The following FOXP4 variants were observed in gnomAD, a reference collection of about 807,000 sequenced individuals.
The protein encoded by FOXP4 is forkhead box protein P4.
Under a neutral mutation model 82.6 loss-of-function variants are expected in FOXP4, and 25 were observed. The observed-to-expected ratio is 0.30, with a 90% CI of 0.22 to 0.42. The LOEUF (loss-of-function observed/expected upper bound fraction) is 0.42. Ranked by LOEUF, FOXP4 falls within the 10% of genes least tolerant of loss-of-function variation. FOXP4 has a pLI of 1.00. For missense variants in FOXP4, 785 were observed against 900.9 expected, an observed-to-expected ratio of 0.87 and a Z score of 1.65; for synonymous variants, 415 against 388.2, an observed-to-expected ratio of 1.07 and a Z score of -0.81.
intron 3 of FOXP4, among the ~76,000 whole-genome samples, chr6:41,583,396 C>G (rs572393508): frequency 1.3e-5 from 2 of 152,376 alleles, no homozygotes; most frequent in South Asian, 4.1e-4. Context: ...CCCTACCCCA[C>G]AGGTGAGGCT....
Position 41,551,017 on chromosome 6 carries a change from C to T in FOXP4, c.-17+4150C>T, listed in dbSNP as rs1763966786. Among the ~76,000 whole-genome samples the T allele has an allele frequency of 2.0e-5, 3 of 152,324 alleles. No individual in the cohort carries two copies. The South Asian group carries it at 6.2e-4, about 32-fold the overall frequency. The stretch of plus-strand genomic sequence containing the variant: ...CCCCTTGAGCCTGAAGTTATTGGCT[C>T]CCTTCAGCGTTGCCTCCCAGGATTC... On this transcript the variant is annotated intron_variant, in intron 1 of 16. Coordinates refer to ENST00000307972, the MANE Select transcript of FOXP4 (RefSeq NM_001012426.2).
At chr6:41,596,804 T>C (rs1305385116) in intron 14 of FOXP4, among the ~76,000 whole-genome samples, 1 of 151,890 alleles carries the variant, frequency 6.6e-6, no homozygotes, top group Non-Finnish European at 1.5e-5. Context: ...ACTGAGACTA[T>C]AGATTAGACC....
intron 15 of FOXP4, 124 bp downstream of exon 15, chr6:41,597,366 C>T: frequency 1.0e-6 from 1 of 964,448 alleles, no homozygotes; most frequent in Non-Finnish European, 1.6e-6. Flanking sequence ...AAGACCCAAA[C>T]TCTCCGAGAC....
At chr6:41,574,360 C>T (rs1765360749) in intron 2 of FOXP4, among the ~76,000 whole-genome samples, 1 of 152,170 alleles carries the variant, frequency 6.6e-6, no homozygotes, top group Non-Finnish European at 1.5e-5. Flanking sequence ...CCTCAGTTTC[C>T]TTGTCTGTAA....
At position 41,598,882 on chromosome 6, in the gene FOXP4, G is replaced by A. The variant is rs1407559923; in HGVS notation, c.1989G>A (p.Gly663=). The change falls in exon 17 of 17, where the codon GGG becomes GGA. Residue 663 remains glycine, a synonymous_variant. Transcript: ENST00000307972. ...PLGAPNPSAS[G]PPEDRDLEEE... ...GCGCCCCTAACCCCAGCGCCTCGGG[G>A]CCTCCGGAAGACAGGGACCTGGAGG... 2.5e-6 allele frequency: 4 copies of A among 1,604,622 alleles called. No homozygotes were observed. In the Admixed American group the frequency reaches 5.1e-5, roughly 21 times the overall value.
At chr6:41,588,775 C>T (rs976469695) in intron 9 of FOXP4, 44 bp downstream of exon 9, 5 of 1,602,614 alleles carry the variant, frequency 3.1e-6, no homozygotes, top group South Asian at 2.2e-5. Flanking sequence ...TGGGCTCCAG[C>T]CCCTGCCCAC....
At chr6:41,551,664 C>G (rs1365370892) in intron 1 of FOXP4, among the ~76,000 whole-genome samples, 1 of 152,214 alleles carries the variant, frequency 6.6e-6, no homozygotes, top group Non-Finnish European at 1.5e-5. Context: ...TTTCCTCAGA[C>G]TAACAGTATG....
At position 41,571,567 on chromosome 6, in the gene FOXP4, C is replaced by T. The variant is rs138587135; in HGVS notation, c.204+5603C>T. On this transcript the variant is annotated intron_variant, in intron 2 of 16. Transcript: ENST00000307972. ...TCGTCTCCCACCCACGTGGGCCTGT[C>T]TGTGTCTGTGCGTTGCTGGTTTTCA... Among the ~76,000 whole-genome samples, 53 of 152,310 alleles carry T rather than the reference C, an allele frequency of 3.5e-4. 1 individual carries two copies. Among genetic ancestry groups the T allele is most frequent in the Middle Eastern group, 3.4e-3 (1 of 294 alleles).
rs138966248 is a variant in FOXP4, at chr6:41,547,709, G to T, written c.-17+842G>T. On this transcript the variant is annotated intron_variant, in intron 1 of 16. Coordinates refer to ENST00000307972, the MANE Select transcript of FOXP4 (RefSeq NM_001012426.2). ...GAGAGCTCCCGCTTCACCACTTAAGGGGGGAAGAGAGGGCGGCCACGGGGG... is the reference window on the plus strand; with the variant it reads ...GAGAGCTCCCGCTTCACCACTTAAGTGGGGAAGAGAGGGCGGCCACGGGGG... 4.8e-3 allele frequency among the ~76,000 whole-genome samples: 728 copies of T among 152,270 alleles called. 6 individuals carry two copies. Among genetic ancestry groups the T allele is most frequent in the Middle Eastern group, 0.02 (6 of 294 alleles).
chr6:41,556,674 C>T (rs1317382762), intron 1 of FOXP4, among the ~76,000 whole-genome samples: 1 of 152,144 alleles, frequency 6.6e-6, no homozygotes, highest in Admixed American at 6.5e-5. Flanking sequence ...GTGCCGAGGC[C>T]TTGCTGCGTC....
chr6:41,564,530 C>T (rs75377884), intron 1 of FOXP4, among the ~76,000 whole-genome samples: 4,951 of 152,292 alleles, frequency 0.033, 281 homozygotes, highest in East Asian at 0.18. Flanking sequence ...TCCTGACCAT[C>T]CCAAACACAT....
At position 41,548,824 on chromosome 6, in the gene FOXP4, CTT is replaced by C. The variant is rs11326650; in HGVS notation, c.-17+1977_-17+1978del. 3.6e-3 allele frequency among the ~76,000 whole-genome samples: 385 copies of C among 106,072 alleles called. 2 individuals carry two copies. The highest frequency in any genetic ancestry group is 0.016 in the Middle Eastern group (3 of 184). 69.6% of individuals were successfully genotyped at this position (106,072 alleles called of 152,430 possible). A position where few individuals can be genotyped will look rare whatever the true frequency, so the allele number is the denominator to read the frequency against. Reference sequence around the variant, plus strand: ...AACCGCTGTGGGGAAGTCTGAAGGCCTTTTTTTTTTTTTTTTTTTTTCAACTT... The same window carrying C: ...AACCGCTGTGGGGAAGTCTGAAGGCCTTTTTTTTTTTTTTTTTTTCAACTT... On this transcript the variant is annotated intron_variant, in intron 1 of 16. Transcript: ENST00000307972.
intron 2 of FOXP4, among the ~76,000 whole-genome samples, chr6:41,571,249 T>C (rs1179184443): frequency 6.6e-6 from 1 of 152,242 alleles, no homozygotes; most frequent in South Asian, 2.1e-4. Context: ...CCTGCAGAGC[T>C]GGTTTTGGCT....
intron 1 of FOXP4, among the ~76,000 whole-genome samples, chr6:41,564,728 G>GA (rs1764778320): frequency 6.6e-6 from 1 of 152,168 alleles, no homozygotes; most frequent in Non-Finnish European, 1.5e-5. Flanking sequence ...TGGTTCCTAT[G>GA]GAGAGTGAGT....
intron 2 of FOXP4, among the ~76,000 whole-genome samples, chr6:41,576,669 A>C (rs558273526): frequency 6.6e-6 from 1 of 152,248 alleles, no homozygotes; most frequent in East Asian, 1.9e-4. Context: ...AAGGGAGTGA[A>C]TACTTCCCGA....
At chr6:41,565,419 T>C (rs1346499583) in intron 1 of FOXP4, among the ~76,000 whole-genome samples, 1 of 152,176 alleles carries the variant, frequency 6.6e-6, no homozygotes, top group Non-Finnish European at 1.5e-5. Flanking sequence ...GTCATTATTA[T>C]AAACAGTGCA....
At chr6:41,579,137 A>T (rs908620396) in intron 3 of FOXP4, among the ~76,000 whole-genome samples, 5 of 152,178 alleles carry the variant, frequency 3.3e-5, no homozygotes, top group African/African-American at 1.2e-4. Flanking sequence ...GTTTGGAAAA[A>T]GTTCAAGGTG....
At chr6:41,577,821 A>T (rs1282349739) in intron 2 of FOXP4, among the ~76,000 whole-genome samples, 165 bp from the exon 3 acceptor site, 3 of 151,912 alleles carry the variant, frequency 2.0e-5, no homozygotes, top group Non-Finnish European at 2.9e-5. Context: ...CTTCTCAGTG[A>T]CTTCTACTAC....
At chr6:41,566,790 G>A (rs1764905229) in intron 2 of FOXP4, among the ~76,000 whole-genome samples, 1 of 152,184 alleles carries the variant, frequency 6.6e-6, no homozygotes, top group African/African-American at 2.4e-5. Context: ...TGCTGGTGGT[G>A]CCGGCCCTTG....
Sources: allele counts gnomAD v4.1 joint callset (sites outside exome capture counted in the v4.1 genomes callset), GRCh38; gene constraint gnomAD v4.1.1; transcripts MANE v1.5; gene names NCBI Gene and HGNC (gene_info 2026-07-23, HGNC 2026-07-21).